DPY19L3: variants seen among roughly 807,000 people sequenced by gnomAD.
DPY19L3 encodes the protein protein C-mannosyl-transferase DPY19L3.
DPY19L3 carries 51 observed loss-of-function variants against 92.3 expected under a neutral mutation model. The observed-to-expected ratio is 0.55, with a 90% CI of 0.44 to 0.70. The LOEUF (loss-of-function observed/expected upper bound fraction) is 0.70, where lower values mean the gene tolerates loss of function less well. DPY19L3 is among the 30% of genes least tolerant of loss of function. The probability of loss-of-function intolerance (pLI) is 0.00; values close to 1 mark genes in which losing one functional copy is unlikely to be tolerated. For missense variants in DPY19L3, 706 were observed against 855.9 expected (o/e 0.82, Z 2.18); for synonymous variants, 309 against 315.2 (o/e 0.98, Z 0.21).
chr19:32,465,765 CCTGT>C (rs748352466), intron 15 of DPY19L3, among the ~76,000 whole-genome samples: 27 of 152,232 alleles, frequency 1.8e-4, no homozygotes, highest in Non-Finnish European at 2.4e-4. Flanking sequence ...CTGTTATGAG[CCTGT>C]CTATCAAAAC....
rs1040617959 is a variant in DPY19L3 at position 32,480,331 on chromosome 19, C to T, written c.1831-68C>T. The stretch of plus-strand genomic sequence containing the variant: ...TTAGACTCAGCCCTGTGGAAGGTTA[C>T]ATCACATAGTTAACTCCCTGGCAGT... On this transcript the variant is annotated intron_variant, in intron 17 of 18. Coordinates refer to ENST00000392250, the MANE Select transcript of DPY19L3 (RefSeq NM_001172774.2). 7.2e-6 allele frequency: 11 copies of T among 1,533,122 alleles called. No individual in the cohort carries two copies. The Middle Eastern group carries it at 5.2e-4, about 73-fold the overall frequency. 95.0% of individuals were successfully genotyped at this position (1,533,122 alleles called of 1,614,324 possible).
intron 3 of DPY19L3, among the ~76,000 whole-genome samples, chr19:32,425,275 G>A (rs1464564888): frequency 1.3e-5 from 2 of 152,174 alleles, no homozygotes; most frequent in Non-Finnish European, 2.9e-5. Flanking sequence ...CATCAGACCA[G>A]GTGCTGTGGC....
intron 8 of DPY19L3, among the ~76,000 whole-genome samples, chr19:32,440,405 A>G (rs986192165): frequency 1.3e-5 from 2 of 152,204 alleles, no homozygotes; most frequent in African/African-American, 4.8e-5. Flanking sequence ...CTGTCATTTA[A>G]TCACATTTTT....
At chr19:32,437,638 C>T (rs1290842584) in intron 6 of DPY19L3, among the ~76,000 whole-genome samples, 1 of 152,070 alleles carries the variant, frequency 6.6e-6, no homozygotes, top group African/African-American at 2.4e-5. Context: ...CCGCATATCT[C>T]ATCTCTTAAA....
rs1322443477 is a variant in DPY19L3, at chr19:32,485,606, T to C, written c.*3366T>C. On this transcript the variant is annotated 3_prime_UTR_variant, in exon 19 of 19. Transcript: ENST00000392250. Reference sequence around the variant, plus strand: ...CCTACCTGAATTAACATACAAAATATTTGATTTTTAAAATTTAATTCAAAT... The same window carrying C: ...CCTACCTGAATTAACATACAAAATACTTGATTTTTAAAATTTAATTCAAAT... 1.3e-5 allele frequency: 2 copies of C among 152,238 alleles called. No individual in the cohort carries two copies. The highest frequency in any genetic ancestry group is 4.8e-5 in the African/African-American group (2 of 41,456). The allele number at this position is 152,238 out of a possible 1,614,324, so 9.4% of individuals were successfully genotyped here. A position where few individuals can be genotyped will look rare whatever the true frequency, so the allele number is the denominator to read the frequency against.
chr19:32,470,781 C>CTTT (rs71336911), intron 16 of DPY19L3, among the ~76,000 whole-genome samples: 22,109 of 90,782 alleles, frequency 0.24, 3,131 homozygotes, highest in East Asian at 0.4. Context: ...ATTCCTTTGG[C>CTTT]TTTTTTTTTT....
chr19:32,475,635 G>A (rs1218322030), intron 16 of DPY19L3, among the ~76,000 whole-genome samples: 1 of 152,202 alleles, frequency 6.6e-6, no homozygotes, highest in Admixed American at 6.5e-5. Flanking sequence ...AGTACACAAG[G>A]CCCAGAGTAA....
At chr19:32,419,540 A>G (rs1968494275) in intron 3 of DPY19L3, among the ~76,000 whole-genome samples, 1 of 151,964 alleles carries the variant, frequency 6.6e-6, no homozygotes, top group Non-Finnish European at 1.5e-5. Context: ...GGTCACTGCA[A>G]CCTTGAACTC....
chr19:32,425,140 T>A (rs1039863649), intron 3 of DPY19L3, among the ~76,000 whole-genome samples: 6 of 152,132 alleles, frequency 3.9e-5, no homozygotes, highest in Non-Finnish European at 7.4e-5. Flanking sequence ...AATATGCAAA[T>A]GAATCTTTTA....
chr19:32,437,149 G>T, intron 5 of DPY19L3, 45 bp from the exon 6 acceptor site: 1 of 1,611,010 alleles, frequency 6.2e-7, no homozygotes, highest in Non-Finnish European at 8.5e-7. Context: ...ACTGAGGAGG[G>T]TTAGGGCTCA....
chr19:32,481,383 A>C (rs1599686140), intron 18 of DPY19L3: 1 of 151,936 alleles, frequency 6.6e-6, no homozygotes, highest in East Asian at 1.9e-4. Context: ...TTAAATTTTG[A>C]TTTGAGCGTG....
In DPY19L3 at chr19:32,419,547, A is replaced by G. The variant is rs528886136; in HGVS notation, c.237+8175A>G. Among the ~76,000 whole-genome samples the G allele has an allele frequency of 1.2e-4, 18 of 151,442 alleles. No individual in the cohort carries two copies. The South Asian group carries it at 3.3e-3, about 28-fold the overall frequency. On this transcript the variant is annotated intron_variant, in intron 3 of 18. Coordinates refer to ENST00000392250, the MANE Select transcript of DPY19L3 (RefSeq NM_001172774.2). ...GCAATCAAGGTCACTGCAACCTTGA[A>G]CTCCTGGGCTCAAGCAGTCCACCAA...
chr19:32,438,944 G>A, intron 6 of DPY19L3, 168 bp from the exon 7 acceptor site: 1 of 302,376 alleles, frequency 3.3e-6, no homozygotes, highest in Non-Finnish European at 5.0e-6. Flanking sequence ...ATGTTACAGG[G>A]ATGATGATGA....
At chr19:32,463,630 T>C in intron 13 of DPY19L3, 142 bp downstream of exon 13, 1 of 1,050,588 alleles carries the variant, frequency 9.5e-7, no homozygotes, top group Non-Finnish European at 1.4e-6. Context: ...CTTCTCTCAG[T>C]ATAAAATACT....
chr19:32,450,995 T>C (rs940432871), intron 8 of DPY19L3, among the ~76,000 whole-genome samples: 2 of 152,222 alleles, frequency 1.3e-5, no homozygotes, highest in Non-Finnish European at 2.9e-5. Context: ...GTGCCGCTCT[T>C]CTAGTGTGTA....
chr19:32,410,344 G>A (rs2050266758), intron 2 of DPY19L3, among the ~76,000 whole-genome samples: 1 of 152,114 alleles, frequency 6.6e-6, no homozygotes, highest in South Asian at 2.1e-4. Context: ...CTTATGTTAA[G>A]GGTATTTAAG....
intron 15 of DPY19L3, chr19:32,467,880 T>G: frequency 1.0e-6 from 1 of 985,168 alleles, no homozygotes; most frequent in Non-Finnish European, 1.2e-6. Flanking sequence ...GAGAGTAATT[T>G]TTACATTTTA....
At chr19:32,468,871 A>G in intron 16 of DPY19L3, 58 bp downstream of exon 16, 2 of 1,521,990 alleles carry the variant, frequency 1.3e-6, no homozygotes, top group Non-Finnish European at 1.8e-6. Context: ...GTCACTATAG[A>G]CCACATTTCG....
At chr19:32,469,239 G>T (rs897387792) in intron 16 of DPY19L3, 1 of 156,470 alleles carries the variant, frequency 6.4e-6, no homozygotes, top group Admixed American at 6.4e-5. Context: ...GCTCACGCCT[G>T]TAATCCCAGC....
Sources: gnomAD v4.1 joint callset for allele counts (sites outside exome capture counted in the v4.1 genomes callset) on GRCh38, gnomAD v4.1.1 for gene constraint, MANE v1.5 for transcripts, NCBI Gene and HGNC (gene_info 2026-07-23, HGNC 2026-07-21) for gene names.